AGO4: variants seen among roughly 807,000 people sequenced by gnomAD.
AGO4 encodes protein argonaute-4.
A neutral mutation model predicts 104.7 loss-of-function variants in AGO4; 33 were observed. The observed-to-expected ratio is 0.32, with a 90% CI of 0.24 to 0.42. The LOEUF is 0.42. Ranked by LOEUF, AGO4 falls within the 10% of genes least tolerant of loss-of-function variation. AGO4 has a pLI of 1.00. For synonymous variants in AGO4, 331 were observed against 364.7 expected, an observed-to-expected ratio of 0.91 and a Z score of 1.05; for missense variants, 711 against 1,083.4, an observed-to-expected ratio of 0.66 and a Z score of 4.83.
Position 35,808,456 on chromosome 1 carries a change from G to T in AGO4, c.19+21G>T. 8.5e-7 allele frequency: 1 copy of T among 1,178,690 alleles called. No homozygotes were observed. Among genetic ancestry groups the T allele is most frequent in the African/African-American group, 1.6e-5 (1 of 62,292 alleles). 73.0% of individuals were successfully genotyped at this position (1,178,690 alleles called of 1,614,324 possible). A position where few individuals can be genotyped will look rare whatever the true frequency, so the allele number is the denominator to read the frequency against. On this transcript the variant is annotated intron_variant, in intron 1 of 17. Transcript: ENST00000373210. The surrounding 1 kb of genome is among the most constrained non-coding windows in gnomAD (Gnocchi z 5.2). ...ACCCGGTGAGGAGCGAGCTCGGGTC[G>T]GGGCGGGACCCGGGACCCGGGACCC...
intron 15 of AGO4, among the ~76,000 whole-genome samples, chr1:35,847,101 C>T (rs1310238271): frequency 4.0e-5 from 6 of 150,686 alleles, no homozygotes; most frequent in Admixed American, 3.9e-4. Flanking sequence ...AATCTTTTGG[C>T]TTCCTTGGAC....
In AGO4 at chr1:35,841,722, G is replaced by T. The variant is rs200351585; in HGVS notation, c.2147G>T (p.Arg716Leu). ...YIVVQKRHHT[R>L]LFCADKTERV... ...GTGGTGCAAAAAAGACATCACACAC[G>T]ACTCTTCTGTGCAGATAAAACAGAA... The change falls in exon 15 of 18, where the codon CGA becomes CTA. Residue 716 changes from arginine (R) to leucine (L), a missense_variant. Arg to Leu is a moderately radical substitution (Grantham distance 102). Transcript: ENST00000373210. The surrounding 1 kb of genome is among the most constrained non-coding windows in gnomAD (Gnocchi z 4.7). 6.2e-7 allele frequency: 1 copy of T among 1,613,564 alleles called. No homozygotes were observed. Among genetic ancestry groups the T allele is most frequent in the Admixed American group, 1.7e-5 (1 of 59,928 alleles).
chr1:35,812,192 A>T (rs1464725880), intron 1 of AGO4, among the ~76,000 whole-genome samples: 2 of 148,202 alleles, frequency 1.3e-5, no homozygotes, highest in African/African-American at 2.5e-5. Flanking sequence ...AGCCCAAATT[A>T]AAAAAAAAAG....
intron 10 of AGO4, 58 bp downstream of exon 10, chr1:35,832,243 T>C: frequency 6.3e-7 from 1 of 1,589,944 alleles, no homozygotes; most frequent in Non-Finnish European, 8.5e-7. Context: ...AAGAGAATAA[T>C]CCAGGGTTTC....
intron 1 of AGO4, among the ~76,000 whole-genome samples, chr1:35,814,489 T>G (rs1226071186): frequency 7.5e-6 from 1 of 133,042 alleles, no homozygotes; most frequent in Admixed American, 8.4e-5. Flanking sequence ...CAGTGTGTGA[T>G]GTTCCCCTTC....
rs1557557051 is a variant in AGO4, at chr1:35,823,755, T to TTA, written c.306+774_306+775insAT. On this transcript the variant is annotated intron_variant, in intron 3 of 17. Transcript: ENST00000373210. ...CTTAATTTTTATTATTATTATTATT[T>TTA]TTTTTTTTAGTACAGATGGGGTTTC... Among the ~76,000 whole-genome samples the TTA allele has an allele frequency of 1.6e-3, 241 of 150,614 alleles. 1 individual carries two copies. Among genetic ancestry groups the TTA allele is most frequent in the African/African-American group, 5.0e-3 (204 of 40,964 alleles).
In AGO4 at chr1:35,823,775, G is replaced by A. The variant is rs922761305; in HGVS notation, c.306+793G>A. On this transcript the variant is annotated intron_variant, in intron 3 of 17. Transcript: ENST00000373210. ...TTATTTTTTTTTTTAGTACAGATGG[G>A]GTTTCACCATGTTGGACAGGCTGGT... 2.8e-5 allele frequency among the ~76,000 whole-genome samples: 4 copies of A among 144,928 alleles called. No individual in the cohort carries two copies. In the Admixed American group the frequency reaches 2.8e-4, roughly 10 times the overall value.
chr1:35,826,116 C>T, intron 6 of AGO4, 56 bp downstream of exon 6: 1 of 1,597,602 alleles, frequency 6.3e-7, no homozygotes, highest in Admixed American at 1.7e-5. Flanking sequence ...CTGCACGTTG[C>T]CTGTGCTCTG....
chr1:35,839,354 C>G (rs189820387), intron 13 of AGO4, among the ~76,000 whole-genome samples: 7 of 152,268 alleles, frequency 4.6e-5, no homozygotes, highest in Admixed American at 4.6e-4. Context: ...AGTCTGTCTT[C>G]ATTTAATTTT....
intron 1 of AGO4, among the ~76,000 whole-genome samples, chr1:35,816,066 G>A (rs934370307): frequency 6.6e-6 from 1 of 152,174 alleles, no homozygotes; most frequent in Non-Finnish European, 1.5e-5. Context: ...AGAAGGTCTA[G>A]CTTTATTGGT....
intron 15 of AGO4, among the ~76,000 whole-genome samples, chr1:35,847,259 A>C (rs1644593749): frequency 6.7e-6 from 1 of 148,648 alleles, no homozygotes; most frequent in Non-Finnish European, 1.5e-5. Flanking sequence ...TTTGAGACTG[A>C]GTCTCGCTCT....
At chr1:35,838,588 T>C (rs1644368664) in intron 13 of AGO4, among the ~76,000 whole-genome samples, 1 of 152,202 alleles carries the variant, frequency 6.6e-6, no homozygotes, top group East Asian at 1.9e-4. Flanking sequence ...TTCATAGGTT[T>C]TTTTTGTTGT....
intron 7 of AGO4, among the ~76,000 whole-genome samples, chr1:35,830,078 A>C (rs1217107707): frequency 1.4e-5 from 2 of 143,380 alleles, no homozygotes; most frequent in African/African-American, 5.2e-5. Context: ...CAAGTGGTGG[A>C]GGTTTCAGTA....
intron 2 of AGO4, among the ~76,000 whole-genome samples, 192 bp downstream of exon 2, chr1:35,817,239 T>C (rs941504402): frequency 6.6e-6 from 1 of 152,194 alleles, no homozygotes; most frequent in African/African-American, 2.4e-5. Context: ...GATATATTAT[T>C]AGTCAATCAG....
chr1:35,839,394 G>A (rs1471316851), intron 13 of AGO4, among the ~76,000 whole-genome samples: 1 of 152,192 alleles, frequency 6.6e-6, no homozygotes, highest in East Asian at 1.9e-4. Flanking sequence ...ATATAGTGTA[G>A]TGGCTTAGAG....
At chr1:35,852,443 A>C (rs1183373626) in intron 17 of AGO4, among the ~76,000 whole-genome samples, 2 of 152,192 alleles carry the variant, frequency 1.3e-5, no homozygotes, top group East Asian at 1.9e-4. Context: ...CGAAAGACCA[A>C]AGTTCAGAGG....
At chr1:35,843,217 C>T (rs990329717) in intron 15 of AGO4, among the ~76,000 whole-genome samples, 2 of 152,112 alleles carry the variant, frequency 1.3e-5, no homozygotes, top group Admixed American at 1.3e-4. Flanking sequence ...AGGCGCCCAC[C>T]ACCATGCCCA....
At position 35,857,727 on chromosome 1, in the gene AGO4, G is replaced by A. The variant is rs144568712; in HGVS notation, c.*4122G>A. On this transcript the variant is annotated 3_prime_UTR_variant, in exon 18 of 18. Transcript: ENST00000373210. ...AGTACACTGTAATGGCAACATACAT[G>A]GTTGCTTTATAAAAACAGTTTCCTC... 18 of 152,214 alleles carry A rather than the reference G, an allele frequency of 1.2e-4. No individual in the cohort carries two copies. In the East Asian group the frequency reaches 1.7e-3, roughly 15 times the overall value. The allele number at this position is 152,214 out of a possible 1,614,324, so 9.4% of individuals were successfully genotyped here. A position where few individuals can be genotyped will look rare whatever the true frequency, so the allele number is the denominator to read the frequency against.
At chr1:35,809,090 G>C (rs1643413268) in intron 1 of AGO4, among the ~76,000 whole-genome samples, 1 of 152,200 alleles carries the variant, frequency 6.6e-6, no homozygotes, top group Non-Finnish European at 1.5e-5. Context: ...TTGCCAGTCA[G>C]TCTGCTCCAC....
Sources: allele counts gnomAD v4.1 joint callset (sites outside exome capture counted in the v4.1 genomes callset), GRCh38; gene constraint gnomAD v4.1.1; non-coding constraint Gnocchi (gnomAD v3.1); transcripts MANE v1.5; gene names NCBI Gene and HGNC (gene_info 2026-07-23, HGNC 2026-07-21).